Variants in OCA2 observed in about 807,000 individuals in gnomAD.
OCA2 encodes the protein OCA2 melanosomal transmembrane protein.
In OCA2, 77 loss-of-function variants were observed where a neutral mutation model predicts 100.2. The observed-to-expected ratio is 0.77, with a 90% CI of 0.64 to 0.93. The LOEUF is 0.93. Among genes scored for constraint, OCA2 ranks in the 40% least tolerant of loss-of-function variants. OCA2 has a pLI of 0.00. For synonymous variants in OCA2, 432 were observed against 439.2 expected (o/e 0.98, Z 0.21); for missense variants, 1,062 against 1,089.1 (o/e 0.98, Z 0.35).
At chr15:27,767,261 C>T (rs1254744146) in intron 23 of OCA2, among the ~76,000 whole-genome samples, 1 of 152,008 alleles carries the variant, frequency 6.6e-6, no homozygotes, top group Admixed American at 6.5e-5. Context: ...TTTGACTGGC[C>T]TAAAGAGTTC....
chr15:27,971,265 G>C (rs2040780072), intron 14 of OCA2, among the ~76,000 whole-genome samples: 1 of 152,134 alleles, frequency 6.6e-6, no homozygotes, highest in Non-Finnish European at 1.5e-5. Context: ...CACAACGTGG[G>C]GCATGAAGGG....
At chr15:27,808,248 C>G (rs2033936852) in intron 23 of OCA2, among the ~76,000 whole-genome samples, 1 of 152,232 alleles carries the variant, frequency 6.6e-6, no homozygotes, top group Non-Finnish European at 1.5e-5. Flanking sequence ...TGCAGCAGGG[C>G]TGGGCAAAGG....
chr15:27,976,836 C>CA (rs2040982749), intron 14 of OCA2, among the ~76,000 whole-genome samples: 1 of 151,838 alleles, frequency 6.6e-6, no homozygotes, highest in African/African-American at 2.4e-5. Flanking sequence ...TTTTCCTTAA[C>CA]TATTTGGGAG....
intron 22 of OCA2, among the ~76,000 whole-genome samples, chr15:27,848,367 C>A (rs1477668472): frequency 6.6e-6 from 1 of 152,198 alleles, no homozygotes; most frequent in South Asian, 2.1e-4. Context: ...TATTCAGATG[C>A]CAACGATGTT....
At chr15:27,912,569 T>A (rs1464257546) in intron 19 of OCA2, among the ~76,000 whole-genome samples, 4 of 152,128 alleles carry the variant, frequency 2.6e-5, no homozygotes, top group Non-Finnish European at 4.4e-5. Context: ...TAAACATCCA[T>A]GAACTTTTAC....
intron 18 of OCA2, among the ~76,000 whole-genome samples, chr15:27,926,826 C>T (rs1325119705): frequency 1.6e-4 from 24 of 152,106 alleles, no homozygotes; most frequent in Admixed American, 1.6e-3. Flanking sequence ...GTTGACCAGG[C>T]TGGTCTCACA....
At chr15:27,896,009 C>A in intron 19 of OCA2, 1 of 981,278 alleles carries the variant, frequency 1.0e-6, no homozygotes, top group Non-Finnish European at 1.6e-6. Context: ...TTGTACTGGC[C>A]TGCAGGCTTC....
chr15:27,779,959 G>A (rs2151084363), intron 23 of OCA2, among the ~76,000 whole-genome samples: 1 of 152,216 alleles, frequency 6.6e-6, no homozygotes, highest in East Asian at 1.9e-4. Flanking sequence ...TGACAATACT[G>A]TATTGTACAC....
intron 12 of OCA2, among the ~76,000 whole-genome samples, chr15:27,985,877 G>A (rs1009571302): frequency 7.9e-5 from 12 of 152,122 alleles, no homozygotes; most frequent in Non-Finnish European, 1.5e-4. Context: ...ATTTTTAGTA[G>A]AGATGAGGTT....
At chr15:28,001,751 C>G (rs1027808225) in intron 9 of OCA2, among the ~76,000 whole-genome samples, 1 of 152,222 alleles carries the variant, frequency 6.6e-6, no homozygotes, top group Non-Finnish European at 1.5e-5. Context: ...GCACTGCCCC[C>G]AGGGAGCTGC....
chr15:27,963,964 T>C (rs1387895169), intron 15 of OCA2, among the ~76,000 whole-genome samples: 2 of 152,144 alleles, frequency 1.3e-5, no homozygotes, highest in East Asian at 1.9e-4. Flanking sequence ...AAGAATATTA[T>C]GAACAATTTT....
At chr15:27,845,740 C>T (rs531489567) in intron 22 of OCA2, among the ~76,000 whole-genome samples, 5 of 152,248 alleles carry the variant, frequency 3.3e-5, no homozygotes, top group Non-Finnish European at 7.4e-5. Context: ...CACGAACAGG[C>T]GCGTGATTTG....
chr15:27,998,964 C>T (rs1331173822), intron 9 of OCA2, among the ~76,000 whole-genome samples: 1 of 151,868 alleles, frequency 6.6e-6, no homozygotes, highest in Admixed American at 6.6e-5. Context: ...AAACCAAACA[C>T]CGCATGTTCT....
intron 18 of OCA2, among the ~76,000 whole-genome samples, chr15:27,947,822 A>G (rs1289958960): frequency 6.6e-6 from 1 of 152,156 alleles, no homozygotes; most frequent in East Asian, 1.9e-4. Flanking sequence ...ACGCTGGGGC[A>G]GTGGTGCCTG....
At chr15:28,082,855 AAAGT>A (rs1390576297) in intron 1 of OCA2, among the ~76,000 whole-genome samples, 1 of 152,194 alleles carries the variant, frequency 6.6e-6, no homozygotes, top group Non-Finnish European at 1.5e-5. Flanking sequence ...ACCTACAATA[AAAGT>A]AAGAACTATT....
chr15:27,749,417 C>T, the OCA2 span, among the ~76,000 whole-genome samples: 1 of 152,156 alleles, frequency 6.6e-6, no homozygotes, highest in African/African-American at 2.4e-5. Context: ...TGAAGAAAAA[C>T]TGAAAGAAGT....
At chr15:27,815,294 G>A (rs1050391870) in intron 23 of OCA2, among the ~76,000 whole-genome samples, 1 of 152,198 alleles carries the variant, frequency 6.6e-6, no homozygotes, top group East Asian at 1.9e-4. Flanking sequence ...AGAGGGAAGG[G>A]GCTCTGGGAA....
chr15:27,726,340 T>A, the OCA2 span, among the ~76,000 whole-genome samples: 1,275 of 142,514 alleles, frequency 8.9e-3, 14 homozygotes, highest in East Asian at 0.023. Context: ...AATAAATAAA[T>A]AAAAATAGTT....
the OCA2 span, among the ~76,000 whole-genome samples, chr15:27,744,450 G>A: frequency 6.6e-6 from 1 of 152,170 alleles, no homozygotes. Flanking sequence ...CAGGGCTGGT[G>A]ATGGGGCAAG....
Sources: gnomAD v4.1 joint callset for allele counts (sites outside exome capture counted in the v4.1 genomes callset) on GRCh38, gnomAD v4.1.1 for gene constraint, MANE v1.5 for transcripts, NCBI Gene and HGNC (gene_info 2026-07-23, HGNC 2026-07-21) for gene names.